Variants in ITGA8 observed in about 807,000 individuals in gnomAD.
The protein encoded by ITGA8 is integrin alpha-8.
In ITGA8, 91 loss-of-function variants were observed where a neutral mutation model predicts 142.3. That is an observed-to-expected ratio of 0.64 (90% confidence interval 0.54 to 0.76). ITGA8 has a LOEUF of 0.76. ITGA8 is among the 30% of genes least tolerant of loss of function. The pLI is 0.00. For missense variants in ITGA8, 1,406 were observed against 1,327.7 expected (o/e 1.06, Z -0.92); for synonymous variants, 505 against 485.2 (o/e 1.04, Z -0.54).
intron 8 of ITGA8, among the ~76,000 whole-genome samples, chr10:15,668,425 G>T (rs1031392387): frequency 1.7e-4 from 25 of 149,458 alleles, no homozygotes; most frequent in African/African-American, 5.9e-4. Flanking sequence ...CTGCACGTGA[G>T]ATGGGTTTCC....
chr10:15,672,472 TAAAAA>T (rs1354480616), intron 7 of ITGA8, 147 bp downstream of exon 7: 10 of 942,018 alleles, frequency 1.1e-5, no homozygotes, highest in Non-Finnish European at 1.6e-5. Context: ...ATAGCAGTAT[TAAAAA>T]GAAAAGAAAA....
intron 26 of ITGA8, among the ~76,000 whole-genome samples, chr10:15,554,468 C>T (rs1387473506): frequency 1.3e-5 from 2 of 152,206 alleles, no homozygotes; most frequent in Non-Finnish European, 2.9e-5. Flanking sequence ...CTCAGGGCTG[C>T]CCAGATCCAC....
At chr10:15,527,469 G>A (rs377236992) in intron 28 of ITGA8, among the ~76,000 whole-genome samples, 1 of 152,256 alleles carries the variant, frequency 6.6e-6, no homozygotes, top group East Asian at 1.9e-4. Context: ...GTTCCTTGGT[G>A]AGCCAAAAAA....
At chr10:15,625,181 G>A (rs1833559512) in intron 13 of ITGA8, among the ~76,000 whole-genome samples, 1 of 152,124 alleles carries the variant, frequency 6.6e-6, no homozygotes, top group Non-Finnish European at 1.5e-5. Context: ...TTTATGAGTT[G>A]GAACATGGTA....
At chr10:15,531,877 G>T (rs1464984087) in intron 27 of ITGA8, among the ~76,000 whole-genome samples, 1 of 152,038 alleles carries the variant, frequency 6.6e-6, no homozygotes. Flanking sequence ...CCTGGGGGGC[G>T]CAGGTTGCAG....
intron 10 of ITGA8, 40 bp downstream of exon 10, chr10:15,658,959 C>T: frequency 7.7e-7 from 1 of 1,290,786 alleles, no homozygotes; most frequent in Non-Finnish European, 1.1e-6. Context: ...TACTGGTAAC[C>T]CAGAGTGATT....
chr10:15,672,864 A>C, intron 6 of ITGA8, 115 bp from the exon 7 acceptor site: 1 of 1,174,012 alleles, frequency 8.5e-7, no homozygotes, highest in Non-Finnish European at 1.2e-6. Flanking sequence ...TTTGATGATG[A>C]ATTTTCCCGC....
intron 25 of ITGA8, among the ~76,000 whole-genome samples, chr10:15,561,610 C>T (rs148828374): frequency 6.6e-5 from 10 of 152,042 alleles, no homozygotes; most frequent in African/African-American, 2.4e-4. Flanking sequence ...GTTTATAGAA[C>T]CCAAGGAATG....
intron 13 of ITGA8, among the ~76,000 whole-genome samples, chr10:15,620,682 C>G (rs1268877874): frequency 6.6e-6 from 1 of 152,178 alleles, no homozygotes; most frequent in Non-Finnish European, 1.5e-5. Context: ...TGTCAGATCT[C>G]TCCAGGGGAG....
At chr10:15,651,411 T>C (rs1366450640) in intron 11 of ITGA8, among the ~76,000 whole-genome samples, 1 of 152,196 alleles carries the variant, frequency 6.6e-6, no homozygotes, top group Non-Finnish European at 1.5e-5. Flanking sequence ...TCAACCAGCA[T>C]GCACACAACT....
intron 6 of ITGA8, among the ~76,000 whole-genome samples, chr10:15,676,308 T>G (rs531785090): frequency 6.6e-6 from 1 of 152,318 alleles, no homozygotes; most frequent in East Asian, 1.9e-4. Flanking sequence ...TAGCAAGAAT[T>G]AGAAGACGTA....
At position 15,519,790 on chromosome 10, in the gene ITGA8, T is replaced by C. The variant is rs79103839; in HGVS notation, c.2983-378A>G. Among the ~76,000 whole-genome samples, 601 of 152,288 alleles carry C rather than the reference T, an allele frequency of 3.9e-3. 2 individuals carry two copies. Among genetic ancestry groups the C allele is most frequent in the African/African-American group, 0.013 (558 of 41,566 alleles). ...AAAAACTGAATGAATCTGTCTACCATGTGTCTCCTTAGAACTCAGCTAGCC... is the reference window on the plus strand; with the variant it reads ...AAAAACTGAATGAATCTGTCTACCACGTGTCTCCTTAGAACTCAGCTAGCC... On this transcript the variant is annotated intron_variant, in intron 28 of 29. Transcript: ENST00000378076.
chr10:15,572,486 G>C, intron 24 of ITGA8, 117 bp from the exon 25 acceptor site: 1 of 865,502 alleles, frequency 1.2e-6, no homozygotes, highest in East Asian at 2.5e-5. Flanking sequence ...AAGTCATCTG[G>C]ACTATGACTA....
At chr10:15,524,406 T>G (rs757893414) in intron 28 of ITGA8, among the ~76,000 whole-genome samples, 1 of 152,196 alleles carries the variant, frequency 6.6e-6, no homozygotes, top group African/African-American at 2.4e-5. Context: ...ACTGAATAAT[T>G]TTTTTCTGCT....
chr10:15,527,686 G>A lies in ITGA8; in HGVS notation c.2982+3364C>T, dbSNP rs77329887. 2.4e-4 allele frequency among the ~76,000 whole-genome samples: 36 copies of A among 152,160 alleles called. No homozygotes were observed. The East Asian group carries it at 6.0e-3, about 25-fold the overall frequency. ...TCTCTTCCATAAGTAAAGCTAATAC[G>A]GGCCTCAAGAGATGGCTGAATTATG... On this transcript the variant is annotated intron_variant, in intron 28 of 29. Transcript: ENST00000378076.
intron 26 of ITGA8, among the ~76,000 whole-genome samples, 195 bp downstream of exon 26, chr10:15,557,879 G>A (rs899124616): frequency 6.6e-6 from 1 of 152,212 alleles, no homozygotes. Flanking sequence ...AAAGTGAAAA[G>A]GTTATATTGC....
chr10:15,544,371 A>T lies in ITGA8; in HGVS notation c.2880+4084T>A, dbSNP rs769225308. On this transcript the variant is annotated intron_variant, in intron 27 of 29. Coordinates refer to ENST00000378076, the MANE Select transcript of ITGA8 (RefSeq NM_003638.3). ...CCATAAAAACAAATAACTTGAAGGG[A>T]GGCAGGGGGTAGTTTATTCCTCAGA... Among the ~76,000 whole-genome samples, 14 of 152,184 alleles carry T rather than the reference A, an allele frequency of 9.2e-5. No individual in the cohort carries two copies. The East Asian group carries it at 2.7e-3, about 29-fold the overall frequency.
At chr10:15,580,126 T>TAAAAAAAAAAAAA (rs35286236) in intron 23 of ITGA8, among the ~76,000 whole-genome samples, 2 of 108,902 alleles carry the variant, frequency 1.8e-5, no homozygotes, top group African/African-American at 7.1e-5. Flanking sequence ...TCAGAAAATG[T>TAAAAAAAAAAAAA]AAAAAAAAAA....
rs1021719136 is a variant in ITGA8, at chr10:15,531,928, G to C, written c.2881-777C>G. On this transcript the variant is annotated intron_variant, in intron 27 of 29. Transcript: ENST00000378076. ...CCACTGCGCTCCGACCTGGGCAACA[G>C]GATCAAAACTCTGTCTCAAAAAGAA... is the stretch of plus-strand genomic sequence containing the variant. 2.0e-5 allele frequency among the ~76,000 whole-genome samples: 3 copies of C among 151,382 alleles called. No individual in the cohort carries two copies. In the Admixed American group the frequency reaches 2.0e-4, roughly 10 times the overall value.
Sources: gnomAD v4.1 joint callset for allele counts (sites outside exome capture counted in the v4.1 genomes callset) on GRCh38, gnomAD v4.1.1 for gene constraint, MANE v1.5 for transcripts, NCBI Gene and HGNC (gene_info 2026-07-23, HGNC 2026-07-21) for gene names.